Variants in PRMT8 observed in about 807,000 individuals in gnomAD.
The protein encoded by PRMT8 is protein arginine N-methyltransferase 8.
Under a neutral mutation model 47.1 loss-of-function variants are expected in PRMT8, and 7 were observed. The ratio of observed to expected loss-of-function variants is 0.15; its 90% CI spans 0.08 to 0.28. The LOEUF is 0.28. PRMT8 is among the 10% of genes least tolerant of loss of function. PRMT8 has a pLI of 1.00. For missense variants in PRMT8, 237 were observed against 505.4 expected (o/e 0.47, Z 5.09); for synonymous variants, 188 against 186.5 (o/e 1.01, Z -0.07).
intron 1 of PRMT8, among the ~76,000 whole-genome samples, chr12:3,402,965 G>A (rs1864332476): frequency 6.6e-6 from 1 of 152,120 alleles, no homozygotes; most frequent in African/African-American, 2.4e-5. Context: ...TCCCATTACT[G>A]GGTATATACC....
intron 1 of PRMT8, among the ~76,000 whole-genome samples, chr12:3,484,414 A>G (rs771265925): frequency 7.9e-5 from 12 of 152,248 alleles, no homozygotes; most frequent in Non-Finnish European, 1.6e-4. Context: ...TGGGACTAGT[A>G]GTGCACAGGC....
intron 1 of PRMT8, among the ~76,000 whole-genome samples, chr12:3,465,276 T>TAA (rs5796053): frequency 3.5e-5 from 5 of 143,644 alleles, no homozygotes; most frequent in Non-Finnish European, 7.6e-5. Flanking sequence ...TTTATAAAAA[T>TAA]AAAAAATATA....
chr12:3,519,898 G>T (rs1163844782), intron 1 of PRMT8, among the ~76,000 whole-genome samples: 4 of 152,140 alleles, frequency 2.6e-5, no homozygotes, highest in African/African-American at 9.7e-5. Context: ...AACAAAATTT[G>T]GGAAACATCT....
At chr12:3,437,642 AT>A in intron 1 of PRMT8, among the ~76,000 whole-genome samples, 1 of 150,300 alleles carries the variant, frequency 6.7e-6, no homozygotes, top group Admixed American at 6.6e-5. Flanking sequence ...ATATATATAT[AT>A]ATATATATTG....
Position 3,401,206 on chromosome 12 carries a change from C to G in PRMT8, c.48+19764C>G, listed in dbSNP as rs192436884. 2.5e-3 allele frequency among the ~76,000 whole-genome samples: 336 copies of G among 132,566 alleles called. 3 individuals carry two copies. The highest frequency in any genetic ancestry group is 9.1e-3 in the African/African-American group (325 of 35,784). The allele number at this position is 132,566 out of a possible 152,430, so 87.0% of individuals were successfully genotyped here. On this transcript the variant is annotated intron_variant, in intron 1 of 9. Transcript: ENST00000452611. ...CAATAAACATTATTCATCACATAAA[C>G]AGAACTAAAGACAAAAACCACATGA...
intron 1 of PRMT8, among the ~76,000 whole-genome samples, chr12:3,498,736 C>T (rs1174476472): frequency 2.0e-5 from 3 of 152,142 alleles, no homozygotes; most frequent in East Asian, 3.8e-4. Context: ...CTAAAGTCTC[C>T]AGGACAGGAA....
At position 3,552,573 on chromosome 12, in the gene PRMT8, A is replaced by T. The variant is rs1011362116; in HGVS notation, c.418-1078A>T. 2.2e-5 allele frequency: 8 copies of T among 359,934 alleles called. No individual in the cohort carries two copies. The highest frequency in any genetic ancestry group is 1.4e-4 in the Admixed American group (4 of 28,650). The allele number at this position is 359,934 out of a possible 1,614,324, so 22.3% of individuals were successfully genotyped here. On this transcript the variant is annotated intron_variant, in intron 3 of 9. Transcript: ENST00000382622. The surrounding 1 kb of genome is among the most constrained non-coding windows in gnomAD (Gnocchi z 4.5). The stretch of plus-strand genomic sequence containing the variant: ...AGAAGAGGAGGGAATCACACCCCAC[A>T]GACAGTGCAGCCTGAAGGCCAGGGA...
At chr12:3,534,708 A>G (rs1866088574) in intron 1 of PRMT8, among the ~76,000 whole-genome samples, 1 of 152,086 alleles carries the variant, frequency 6.6e-6, no homozygotes, top group South Asian at 2.1e-4. Context: ...TCTGCCCTCA[A>G]CACTGGGCTT....
At chr12:3,581,424 C>G (rs1867064109) in intron 7 of PRMT8, among the ~76,000 whole-genome samples, 1 of 152,132 alleles carries the variant, frequency 6.6e-6, no homozygotes, top group South Asian at 2.1e-4. Context: ...AGGACGTGGA[C>G]TGATCTGCCT....
intron 1 of PRMT8, among the ~76,000 whole-genome samples, chr12:3,479,950 G>T (rs1228653484): frequency 1.3e-5 from 2 of 152,184 alleles, no homozygotes; most frequent in Admixed American, 1.3e-4. Context: ...GTTAAAACGT[G>T]TGAGGGGGAG....
Position 3,538,958 on chromosome 12 carries a change from C to A in PRMT8, c.76-1648C>A, listed in dbSNP as rs1021802426. ...GGGAAGATGGGACCATCCCACTGCC[C>A]CCAGCTCACTCCCCTGCAGCCCTGG... On this transcript the variant is annotated intron_variant, in intron 1 of 9. Coordinates refer to ENST00000382622, the MANE Select transcript of PRMT8 (RefSeq NM_019854.5). This position sits in a 1 kb window ranked among gnomAD's most constrained non-coding sequence, Gnocchi z 4.6. Among the ~76,000 whole-genome samples, 7 of 152,192 alleles carry A rather than the reference C, an allele frequency of 4.6e-5. No individual in the cohort carries two copies. Among genetic ancestry groups the A allele is most frequent in the African/African-American group, 1.7e-4 (7 of 41,442 alleles).
At chr12:3,411,932 C>T (rs1426754057) in intron 1 of PRMT8, among the ~76,000 whole-genome samples, 1 of 152,228 alleles carries the variant, frequency 6.6e-6, no homozygotes, top group African/African-American at 2.4e-5. Flanking sequence ...AATGGACTAA[C>T]TGTACAGTCA....
At chr12:3,447,976 C>A (rs375296201) in intron 1 of PRMT8, among the ~76,000 whole-genome samples, 2 of 152,124 alleles carry the variant, frequency 1.3e-5, no homozygotes, top group African/African-American at 4.8e-5. Context: ...TAGAGTTAAA[C>A]GTTTTGGCCT....
intron 1 of PRMT8, among the ~76,000 whole-genome samples, chr12:3,532,855 C>T (rs1354696371): frequency 6.6e-6 from 1 of 152,010 alleles, no homozygotes; most frequent in African/African-American, 2.4e-5. Context: ...CATTTCTTAC[C>T]AGTCCCCAGG....
upstream of PRMT8, among the ~76,000 whole-genome samples, chr12:3,489,743 C>A (rs772112298): frequency 6.6e-6 from 1 of 151,884 alleles, no homozygotes; most frequent in Non-Finnish European, 1.5e-5. Context: ...CAACTCTAAC[C>A]CAGGTCTGTG....
At chr12:3,486,569 C>T (rs1262937514), upstream of PRMT8, among the ~76,000 whole-genome samples, 2 of 152,016 alleles carry the variant, frequency 1.3e-5, no homozygotes, top group South Asian at 4.1e-4. Context: ...AGAGATTTCC[C>T]ATAAAAAGGT....
Position 3,557,591 on chromosome 12 carries a change from T to C in PRMT8, c.481+3877T>C, listed in dbSNP as rs1019680741. On this transcript the variant is annotated intron_variant, in intron 4 of 9. Transcript: ENST00000382622. The surrounding 1 kb of genome is among the most constrained non-coding windows in gnomAD (Gnocchi z 4.7). ...AGAAGTGCTTGACCCGGGCTCCCTA[T>C]CTGCTTACTAAAGACAGATAAAGAA... 6.6e-6 allele frequency among the ~76,000 whole-genome samples: 1 copy of C among 152,172 alleles called. No individual in the cohort carries two copies. The highest frequency in any genetic ancestry group is 1.5e-5 in the Non-Finnish European group (1 of 68,018).
Position 3,549,931 on chromosome 12 carries a change from C to T in PRMT8, c.262-5C>T. Reference sequence around the variant, plus strand: ...GACATTTCCTTTCTTTTCCCTCCATCACAGGAAATGCTGAAGGATGAGGTG... The same window carrying T: ...GACATTTCCTTTCTTTTCCCTCCATTACAGGAAATGCTGAAGGATGAGGTG... On this transcript the variant is annotated splice_polypyrimidine_tract_variant and splice_region_variant and intron_variant, in intron 2 of 9. Coordinates refer to ENST00000382622, the MANE Select transcript of PRMT8 (RefSeq NM_019854.5). 6.2e-7 allele frequency: 1 copy of T among 1,612,982 alleles called. No homozygotes were observed. Among genetic ancestry groups the T allele is most frequent in the Non-Finnish European group, 8.5e-7 (1 of 1,179,070 alleles).
At chr12:3,522,004 C>G (rs192685445) in intron 1 of PRMT8, among the ~76,000 whole-genome samples, 1 of 152,276 alleles carries the variant, frequency 6.6e-6, no homozygotes, top group Non-Finnish European at 1.5e-5. Flanking sequence ...CTTGGCATCC[C>G]TCTTCCTTTG....
Sources: allele counts gnomAD v4.1 joint callset (sites outside exome capture counted in the v4.1 genomes callset), GRCh38; gene constraint gnomAD v4.1.1; non-coding constraint Gnocchi (gnomAD v3.1); transcripts MANE v1.5; gene names NCBI Gene and HGNC (gene_info 2026-07-23, HGNC 2026-07-21).